Variants in ACBD6 observed in about 807,000 individuals in gnomAD.
The protein encoded by ACBD6 is acyl-CoA-binding domain-containing protein 6.
In ACBD6, 28 loss-of-function variants were observed where a neutral mutation model predicts 37.2. The ratio of observed to expected loss-of-function variants is 0.75; its 90% CI spans 0.56 to 1.03. The LOEUF (loss-of-function observed/expected upper bound fraction) is 1.03. Among genes scored for constraint, ACBD6 ranks in the 50% least tolerant of loss-of-function variants. ACBD6 has a pLI of 0.00. For synonymous variants in ACBD6, 113 were observed against 126.8 expected (o/e 0.89, Z 0.73); for missense variants, 340 against 337.4 (o/e 1.01, Z -0.06).
intron 7 of ACBD6, among the ~76,000 whole-genome samples, chr1:180,295,878 C>T (rs1445771188): frequency 6.6e-6 from 1 of 152,088 alleles, no homozygotes; most frequent in Non-Finnish European, 1.5e-5. Flanking sequence ...AATAATCCTA[C>T]AATGAACTCC....
At chr1:180,296,114 T>C (rs927982270) in intron 7 of ACBD6, among the ~76,000 whole-genome samples, 4 of 152,190 alleles carry the variant, frequency 2.6e-5, no homozygotes, top group African/African-American at 4.8e-5. Context: ...AACAGCCTTA[T>C]TGCTGATTTA....
intron 4 of ACBD6, among the ~76,000 whole-genome samples, chr1:180,426,795 G>A (rs570133148): frequency 6.6e-6 from 1 of 152,262 alleles, no homozygotes; most frequent in African/African-American, 2.4e-5. Context: ...CACATAATCT[G>A]CTAAGTATCA....
At chr1:180,481,263 C>G (rs1651032965) in intron 3 of ACBD6, among the ~76,000 whole-genome samples, 1 of 150,796 alleles carries the variant, frequency 6.6e-6, no homozygotes, top group Non-Finnish European at 1.5e-5. Context: ...TTTTTGTGAC[C>G]CTGGTCTAAA....
chr1:180,494,891 C>CT (rs1050498787), intron 2 of ACBD6, among the ~76,000 whole-genome samples: 6 of 151,936 alleles, frequency 3.9e-5, no homozygotes, highest in South Asian at 2.1e-4. Flanking sequence ...AAAGTATACT[C>CT]TTTTTTTTAT....
chr1:180,500,829 T>TAAA (rs397982142), intron 1 of ACBD6, among the ~76,000 whole-genome samples: 2 of 111,774 alleles, frequency 1.8e-5, no homozygotes, highest in Non-Finnish European at 3.7e-5. Flanking sequence ...AGACCCTCTG[T>TAAA]AAAAAAAAAA....
At chr1:180,469,733 T>A (rs1650483853) in intron 3 of ACBD6, among the ~76,000 whole-genome samples, 1 of 152,214 alleles carries the variant, frequency 6.6e-6, no homozygotes, top group South Asian at 2.1e-4. Flanking sequence ...GGTCATTTAT[T>A]CACCATAGCC....
chr1:180,339,780 GA>G (rs1384628571), intron 6 of ACBD6, among the ~76,000 whole-genome samples: 2 of 152,102 alleles, frequency 1.3e-5, no homozygotes, highest in African/African-American at 4.8e-5. Context: ...CTAATTGGGA[GA>G]GGGGGAACAG....
intron 1 of ACBD6, among the ~76,000 whole-genome samples, chr1:180,496,892 A>C (rs1024938843): frequency 2.0e-5 from 3 of 150,620 alleles, no homozygotes; most frequent in African/African-American, 7.4e-5. Context: ...TAGGTATGCC[A>C]TCACAAACTC....
At chr1:180,424,531 G>A (rs1313248825) in intron 4 of ACBD6, among the ~76,000 whole-genome samples, 1 of 152,120 alleles carries the variant, frequency 6.6e-6, no homozygotes, top group Non-Finnish European at 1.5e-5. Flanking sequence ...ATGGTAAGGG[G>A]TCCTGTTCAT....
intron 4 of ACBD6, among the ~76,000 whole-genome samples, chr1:180,418,014 T>C (rs1246384472): frequency 6.8e-6 from 1 of 148,040 alleles, no homozygotes; most frequent in African/African-American, 2.5e-5. Flanking sequence ...TTCAACATTC[T>C]GTATATGCCA....
chr1:180,376,815 T>C (rs543149127), intron 6 of ACBD6, among the ~76,000 whole-genome samples: 2 of 152,276 alleles, frequency 1.3e-5, no homozygotes, highest in South Asian at 4.1e-4. Flanking sequence ...CTCATATCTA[T>C]AGTAATGTTT....
chr1:180,306,627 T>C lies in ACBD6; in HGVS notation c.694+8065A>G, dbSNP rs541578775. 2.6e-5 allele frequency among the ~76,000 whole-genome samples: 4 copies of C among 152,342 alleles called. 1 individual carries two copies. The East Asian group carries it at 7.7e-4, about 29-fold the overall frequency. ...GCATGTGTAAGATTCATTTACATTA[T>C]TGCATGTAGATGTAGCTCATTCTCA... On this transcript the variant is annotated intron_variant, in intron 7 of 7. Transcript: ENST00000367595.
At chr1:180,362,407 C>A (rs1652884912) in intron 6 of ACBD6, among the ~76,000 whole-genome samples, 1 of 151,882 alleles carries the variant, frequency 6.6e-6, no homozygotes, top group Admixed American at 6.6e-5. Flanking sequence ...CAGAGGGAGA[C>A]CAAATGCCAA....
At chr1:180,340,656 G>T (rs1460263399) in intron 6 of ACBD6, among the ~76,000 whole-genome samples, 4 of 151,490 alleles carry the variant, frequency 2.6e-5, no homozygotes, top group Non-Finnish European at 5.9e-5. Context: ...ACAAAAACAG[G>T]GGTGGGGGGT....
At chr1:180,330,520 A>T (rs79481062) in intron 6 of ACBD6, among the ~76,000 whole-genome samples, 3,009 of 152,322 alleles carry the variant, frequency 0.02, 100 homozygotes, top group African/African-American at 0.067. Flanking sequence ...ATAAATGGGC[A>T]TTTCAAACTC....
In ACBD6 at chr1:180,442,899, T is replaced by C. The variant is rs560363144; in HGVS notation, c.385-12637A>G. Among the ~76,000 whole-genome samples, 3 of 152,346 alleles carry C rather than the reference T, an allele frequency of 2.0e-5. No individual in the cohort carries two copies. The East Asian group carries it at 5.8e-4, about 29-fold the overall frequency. ...ATATAGTATATATTTGTAAAGTAAG[T>C]GTTTTCATGTCCTTGTCTGTTATTT... On this transcript the variant is annotated intron_variant, in intron 3 of 7. Coordinates refer to ENST00000367595, the MANE Select transcript of ACBD6 (RefSeq NM_032360.4).
intron 6 of ACBD6, among the ~76,000 whole-genome samples, chr1:180,387,313 A>G (rs1366561231): frequency 6.6e-6 from 1 of 152,178 alleles, no homozygotes; most frequent in African/African-American, 2.4e-5. Flanking sequence ...CCTCCTCTCT[A>G]AAATTCTCCC....
intron 4 of ACBD6, among the ~76,000 whole-genome samples, chr1:180,429,280 GTC>G (rs1490056714): frequency 1.3e-5 from 2 of 151,974 alleles, no homozygotes; most frequent in African/African-American, 4.8e-5. Context: ...CCATTTTACT[GTC>G]TCTCTGATTT....
At chr1:180,431,342 T>C (rs1648806094) in intron 3 of ACBD6, among the ~76,000 whole-genome samples, 1 of 151,998 alleles carries the variant, frequency 6.6e-6, no homozygotes, top group South Asian at 2.1e-4. Flanking sequence ...GAAACAAAGT[T>C]ATAAAATCAT....
Sources: allele counts gnomAD v4.1 joint callset (sites outside exome capture counted in the v4.1 genomes callset), GRCh38; gene constraint gnomAD v4.1.1; transcripts MANE v1.5; gene names NCBI Gene and HGNC (gene_info 2026-07-23, HGNC 2026-07-21).